PCDH15: variants seen among roughly 807,000 people sequenced by gnomAD.
The protein encoded by PCDH15 is protocadherin-15.
PCDH15 carries 129 observed loss-of-function variants against 178.5 expected under a neutral mutation model. The observed-to-expected ratio is 0.72, with a 90% confidence interval of 0.63 to 0.84. The LOEUF is 0.84. Among genes scored for constraint, PCDH15 ranks in the 40% least tolerant of loss-of-function variants. The pLI is 0.00. For missense variants in PCDH15, 2,230 were observed against 2,099.9 expected, an observed-to-expected ratio of 1.06 and a Z score of -1.21; for synonymous variants, 800 against 732.0, an observed-to-expected ratio of 1.09 and a Z score of -1.50.
chr10:55,577,144 A>T (rs1842512051), intron 2 of PCDH15, among the ~76,000 whole-genome samples: 1 of 152,122 alleles, frequency 6.6e-6, no homozygotes, highest in South Asian at 2.1e-4. Flanking sequence ...CGGGAGGCTG[A>T]GGCAGAAAAA....
intron 2 of PCDH15, among the ~76,000 whole-genome samples, chr10:55,574,625 A>G (rs1842464180): frequency 6.6e-6 from 1 of 152,000 alleles, no homozygotes; most frequent in Non-Finnish European, 1.5e-5. Flanking sequence ...ATCAAGTCAC[A>G]CCTTAGTTTC....
chr10:54,397,682 T>C (rs1373333680), intron 3 of PCDH15, among the ~76,000 whole-genome samples: 1 of 152,026 alleles, frequency 6.6e-6, no homozygotes, highest in Non-Finnish European at 1.5e-5. Flanking sequence ...AGGCACTAAA[T>C]GGCAAAGGTA....
At chr10:54,643,642 CT>C (rs2094047298) in intron 2 of PCDH15, among the ~76,000 whole-genome samples, 2 of 151,734 alleles carry the variant, frequency 1.3e-5, no homozygotes, top group South Asian at 4.2e-4. Context: ...CTTTTGTTCT[CT>C]GTTAGAGCAA....
At chr10:54,600,899 A>T (rs2092491238) in intron 2 of PCDH15, among the ~76,000 whole-genome samples, 1 of 151,900 alleles carries the variant, frequency 6.6e-6, no homozygotes, top group Non-Finnish European at 1.5e-5. Flanking sequence ...AAATTTACCA[A>T]TTTCCTGCAC....
chr10:55,285,124 T>G (rs1340378615), intron 1 of PCDH15, among the ~76,000 whole-genome samples: 2 of 146,984 alleles, frequency 1.4e-5, no homozygotes, highest in Non-Finnish European at 3.0e-5. Context: ...TAAATACAAG[T>G]TTACCATATA....
chr10:54,732,374 C>A (rs1471103854), intron 1 of PCDH15, among the ~76,000 whole-genome samples: 1 of 151,310 alleles, frequency 6.6e-6, no homozygotes, highest in African/African-American at 2.4e-5. Context: ...CACTATAGAA[C>A]TTAAAAATAA....
chr10:54,944,825 G>GGTT (rs1838153745), intron 2 of PCDH15, among the ~76,000 whole-genome samples: 1 of 151,846 alleles, frequency 6.6e-6, no homozygotes, highest in African/African-American at 2.4e-5. Context: ...AACCTTAAAA[G>GGTT]TCTAATTATT....
chr10:54,752,800 T>TCC (rs11411002), intron 1 of PCDH15, among the ~76,000 whole-genome samples: 3 of 151,532 alleles, frequency 2.0e-5, no homozygotes, highest in Non-Finnish European at 2.9e-5. Context: ...CTTCCACCTT[T>TCC]CCCCCCTTGT....
intron 1 of PCDH15, among the ~76,000 whole-genome samples, chr10:54,726,604 A>T (rs1942571737): frequency 6.6e-6 from 1 of 151,582 alleles, no homozygotes; most frequent in Non-Finnish European, 1.5e-5. Context: ...TTCAATGAAG[A>T]TCATCGAGAT....
At chr10:55,122,896 C>A (rs1837805000) in intron 2 of PCDH15, among the ~76,000 whole-genome samples, 1 of 151,886 alleles carries the variant, frequency 6.6e-6, no homozygotes, top group African/African-American at 2.4e-5. Flanking sequence ...CAGAAAGGAA[C>A]ATAAAGATTT....
At chr10:54,810,156 A>G (rs1476022453) in intron 3 of PCDH15, among the ~76,000 whole-genome samples, 2 of 152,122 alleles carry the variant, frequency 1.3e-5, no homozygotes, top group African/African-American at 2.4e-5. Flanking sequence ...TAAATAATAA[A>G]CAGAGTACTG....
chr10:55,361,955 C>T (rs1845240676), intron 2 of PCDH15, among the ~76,000 whole-genome samples: 1 of 152,036 alleles, frequency 6.6e-6, no homozygotes, highest in African/African-American at 2.4e-5. Flanking sequence ...CTTCTCTAGT[C>T]TGCTTGTGGA....
At chr10:54,228,283 C>A (rs7918079) in intron 9 of PCDH15, among the ~76,000 whole-genome samples, 1 of 152,004 alleles carries the variant, frequency 6.6e-6, no homozygotes, top group Non-Finnish European at 1.5e-5. Flanking sequence ...GAGGAGCAAC[C>A]CACATCTTAC....
intron 3 of PCDH15, among the ~76,000 whole-genome samples, chr10:54,388,580 G>A (rs1216018783): frequency 1.3e-5 from 2 of 152,140 alleles, no homozygotes; most frequent in Non-Finnish European, 2.9e-5. Context: ...CGTTATCTGA[G>A]AATTAAGAAT....
chr10:53,808,923 A>G, intron 37 of PCDH15: 1 of 1,567,832 alleles, frequency 6.4e-7, no homozygotes, highest in Non-Finnish European at 8.6e-7. Context: ...CAGGGTCTGT[A>G]CTTTCTTCCA....
intron 1 of PCDH15, among the ~76,000 whole-genome samples, chr10:54,788,517 G>A (rs2133517967): frequency 6.6e-6 from 1 of 151,918 alleles, no homozygotes; most frequent in Non-Finnish European, 1.5e-5. Context: ...TAATATGGAA[G>A]GCTGGAGGGG....
intron 2 of PCDH15, among the ~76,000 whole-genome samples, chr10:55,465,392 T>C (rs1428657921): frequency 1.3e-5 from 2 of 152,174 alleles, no homozygotes; most frequent in African/African-American, 2.4e-5. Flanking sequence ...ACAGGTGTAT[T>C]GTACTGGAGA....
chr10:54,946,913 T>G (rs1838212720), intron 2 of PCDH15, among the ~76,000 whole-genome samples: 3 of 151,914 alleles, frequency 2.0e-5, no homozygotes, highest in Non-Finnish European at 4.4e-5. Flanking sequence ...ATTTGAGAAC[T>G]TCATCTGCTG....
At chr10:54,198,637 G>A (rs1031019328) in intron 10 of PCDH15, among the ~76,000 whole-genome samples, 9 of 117,982 alleles carry the variant, frequency 7.6e-5, no homozygotes, top group Admixed American at 8.5e-5. Context: ...AAGTAGTTGG[G>A]ACTACAGGCG....
Sources: allele counts gnomAD v4.1 joint callset (sites outside exome capture counted in the v4.1 genomes callset), GRCh38; gene constraint gnomAD v4.1.1; transcripts MANE v1.5; gene names NCBI Gene and HGNC (gene_info 2026-07-23, HGNC 2026-07-21).